PHACTR1: variants seen among roughly 807,000 people sequenced by gnomAD.
PHACTR1 encodes the protein RPEL repeat containing 1.
In PHACTR1, 16 loss-of-function variants were observed where a neutral mutation model predicts 69.2. The ratio of observed to expected loss-of-function variants is 0.23; its 90% CI spans 0.16 to 0.35. The LOEUF is 0.35. PHACTR1 is among the 10% of genes least tolerant of loss of function. PHACTR1 has a pLI of 1.00. For missense variants in PHACTR1, 510 were observed against 734.7 expected (o/e 0.69, Z 3.54); for synonymous variants, 312 against 284.5 (o/e 1.10, Z -0.97).
chr6:13,270,578 G>C (rs539211378), intron 10 of PHACTR1, among the ~76,000 whole-genome samples: 5 of 152,292 alleles, frequency 3.3e-5, no homozygotes, highest in Admixed American at 3.3e-4. Flanking sequence ...TCTGTGATAG[G>C]AACTGGGTCA....
intron 4 of PHACTR1, among the ~76,000 whole-genome samples, chr6:12,922,934 C>A (rs1176240432): frequency 1.3e-5 from 2 of 152,166 alleles, no homozygotes; most frequent in African/African-American, 4.8e-5. Flanking sequence ...CTGCATCAGA[C>A]CCCGGAGTAA....
rs1393962904 is a variant in PHACTR1, at chr6:12,749,801, C to A, written c.250+11C>A. On this transcript the variant is annotated intron_variant, in intron 4 of 14. Transcript: ENST00000332995. ...TTAACCTGGGGGCAGGTAAGAACGC[C>A]CCTGGCGCCGCGCCCCCGCCCCCGC... The A allele has an allele frequency of 6.3e-7, 1 of 1,579,776 alleles. No homozygotes were observed. The highest frequency in any genetic ancestry group is 2.3e-5 in the East Asian group (1 of 44,190).
At position 12,742,399 on chromosome 6, in the gene PHACTR1, G is replaced by A. The variant is rs144270636; in HGVS notation, c.104-7245G>A. ...AGCACGCTAATTCATTATAATTAGC[G>A]CATAATGAGAAGTGAGGACAACCAG... On this transcript the variant is annotated intron_variant, in intron 3 of 14. Transcript: ENST00000332995. 1.8e-3 allele frequency among the ~76,000 whole-genome samples: 272 copies of A among 152,168 alleles called. 1 individual carries two copies. The highest frequency in any genetic ancestry group is 5.6e-3 in the African/African-American group (231 of 41,518).
At chr6:12,919,613 G>T (rs1386201492) in intron 4 of PHACTR1, among the ~76,000 whole-genome samples, 1 of 152,200 alleles carries the variant, frequency 6.6e-6, no homozygotes, top group Admixed American at 6.5e-5. Context: ...TCATGCAAAA[G>T]GTTCTGGAGA....
chr6:12,972,138 T>C (rs1794290466), intron 4 of PHACTR1, among the ~76,000 whole-genome samples: 1 of 152,238 alleles, frequency 6.6e-6, no homozygotes, highest in Non-Finnish European at 1.5e-5. Flanking sequence ...TGTGATATAG[T>C]ATAAACAACT....
chr6:13,114,269 G>A (rs913435330), intron 5 of PHACTR1, among the ~76,000 whole-genome samples: 10 of 151,850 alleles, frequency 6.6e-5, no homozygotes, highest in South Asian at 2.1e-4. Context: ...TAAAAACTCC[G>A]TGTTTCCTGG....
intron 10 of PHACTR1, chr6:13,267,838 GAAAAAAAAAAAAA>G (rs558900640): frequency 1.1e-4 from 11 of 101,084 alleles, no homozygotes; most frequent in Admixed American, 4.0e-4. Context: ...GGAATGATCT[GAAAAAAAAAAAAA>G]AAAAAAAAAA....
chr6:12,808,629 T>C (rs976570983), intron 4 of PHACTR1, among the ~76,000 whole-genome samples: 1 of 152,068 alleles, frequency 6.6e-6, no homozygotes, highest in African/African-American at 2.4e-5. Flanking sequence ...AAAAATCAGG[T>C]TATAAAACTA....
intron 5 of PHACTR1, among the ~76,000 whole-genome samples, chr6:13,089,863 C>T (rs113003334): frequency 0.012 from 1,804 of 152,258 alleles, 17 homozygotes; most frequent in South Asian, 0.026. Flanking sequence ...GAAAATGCAG[C>T]CACATGCCCT....
chr6:12,840,199 T>C (rs1187670048), intron 4 of PHACTR1, among the ~76,000 whole-genome samples: 1 of 152,200 alleles, frequency 6.6e-6, no homozygotes, highest in Non-Finnish European at 1.5e-5. Flanking sequence ...GGGGATCTGA[T>C]TACAGATCAC....
chr6:13,261,973 T>C (rs1775974634), intron 10 of PHACTR1, among the ~76,000 whole-genome samples: 1 of 152,234 alleles, frequency 6.6e-6, no homozygotes, highest in South Asian at 2.1e-4. Flanking sequence ...ATGAAGAATC[T>C]TTCAGAACAC....
Position 13,283,348 on chromosome 6 carries a change from A to G in PHACTR1, c.1510-74A>G. On this transcript the variant is annotated intron_variant, in intron 12 of 14. Transcript: ENST00000332995. The surrounding 1 kb of genome is among the most constrained non-coding windows in gnomAD (Gnocchi z 4.7). ...ACTGAACCTTATTTTCCACACCTGC[A>G]AGTTCACAGACAGGACCAAGTGCCA... 7.0e-7 allele frequency: 1 copy of G among 1,438,134 alleles called. No homozygotes were observed. The highest frequency in any genetic ancestry group is 1.8e-5 in the Admixed American group (1 of 54,582). The allele number at this position is 1,438,134 out of a possible 1,614,324, so 89.1% of individuals were successfully genotyped here.
In PHACTR1 at chr6:12,760,161, T is replaced by TA. The variant is rs1561857389; in HGVS notation, c.250+10377dup. Among the ~76,000 whole-genome samples the TA allele has an allele frequency of 2.6e-5, 4 of 152,140 alleles. No homozygotes were observed. The South Asian group carries it at 6.2e-4, about 24-fold the overall frequency. On this transcript the variant is annotated intron_variant, in intron 4 of 14. Coordinates refer to ENST00000332995, the MANE Select transcript of PHACTR1 (RefSeq NM_030948.6). ...TTCCTCCAGGATTCTACCAAAAATT[T>TA]AAAAAATGATTCGTTTCTGATGACC...
intron 5 of PHACTR1, among the ~76,000 whole-genome samples, chr6:13,062,068 C>G (rs1807764609): frequency 6.6e-6 from 1 of 152,198 alleles, no homozygotes; most frequent in Non-Finnish European, 1.5e-5. Flanking sequence ...CTGTCAGCTT[C>G]ACGTAATTGA....
At chr6:12,819,690 ATAT>A (rs1284627511) in intron 4 of PHACTR1, among the ~76,000 whole-genome samples, 2 of 152,142 alleles carry the variant, frequency 1.3e-5, no homozygotes, top group Non-Finnish European at 1.5e-5. Flanking sequence ...TATAGAGATG[ATAT>A]TATTATTATT....
At chr6:13,121,350 G>A (rs936220849) in intron 5 of PHACTR1, among the ~76,000 whole-genome samples, 2 of 152,054 alleles carry the variant, frequency 1.3e-5, no homozygotes, top group Non-Finnish European at 2.9e-5. Context: ...GTGACCTTGG[G>A]AAAGCTACCC....
intron 4 of PHACTR1, among the ~76,000 whole-genome samples, chr6:13,012,297 T>C (rs1374357485): frequency 6.6e-6 from 1 of 152,220 alleles, no homozygotes; most frequent in Non-Finnish European, 1.5e-5. Context: ...ATCGTTGACC[T>C]TGTTACCTGT....
chr6:12,947,367 A>G (rs1324324040), intron 4 of PHACTR1, among the ~76,000 whole-genome samples: 5 of 151,426 alleles, frequency 3.3e-5, no homozygotes, highest in Non-Finnish European at 7.4e-5. Flanking sequence ...CTGTGATGAC[A>G]ACAGTTGCCT....
At chr6:13,075,957 G>A (rs769113784) in intron 5 of PHACTR1, among the ~76,000 whole-genome samples, 1 of 151,142 alleles carries the variant, frequency 6.6e-6, no homozygotes, top group Non-Finnish European at 1.5e-5. Context: ...TCATGGAAAT[G>A]ACAATAGGAT....
Sources: gnomAD v4.1 joint callset for allele counts (sites outside exome capture counted in the v4.1 genomes callset) on GRCh38, gnomAD v4.1.1 for gene constraint, Gnocchi (gnomAD v3.1) non-coding constraint, MANE v1.5 for transcripts, NCBI Gene and HGNC (gene_info 2026-07-23, HGNC 2026-07-21) for gene names.